Variants in CA4 observed in about 807,000 individuals in gnomAD.
CA4 encodes the protein CA-IV.
CA4 carries 24 observed loss-of-function variants against 34.5 expected under a neutral mutation model. The ratio of observed to expected loss-of-function variants is 0.70; its 90% CI spans 0.50 to 0.98. The LOEUF is 0.98. CA4 is among the 50% of genes least tolerant of loss of function. The pLI is 0.00. For synonymous variants in CA4, 178 were observed against 170.6 expected (o/e 1.04, Z -0.34); for missense variants, 394 against 396.7 (o/e 0.99, Z 0.06).
chr17:60,170,310 C>T lies in CA4; in HGVS notation c.*179-241C>T, dbSNP rs115603491. 1.7e-3 allele frequency among the ~76,000 whole-genome samples: 253 copies of T among 152,326 alleles called. 1 individual carries two copies. Among genetic ancestry groups the T allele is most frequent in the African/African-American group, 4.9e-3 (204 of 41,574 alleles). On this transcript the variant is annotated intron_variant and NMD_transcript_variant, in intron 5 of 5. Transcript: ENST00000586876. ...TCTGGCAGGGGGCCAGTGGGGAGCA[C>T]GAGATTCTCATGGCTGCTGTGGCTG...
At chr17:60,176,972 A>C in the CA4 span, among the ~76,000 whole-genome samples, 1 of 152,196 alleles carries the variant, frequency 6.6e-6, no homozygotes, top group Non-Finnish European at 1.5e-5. Context: ...TAATGGGAGC[A>C]AGGGGGAGCG....
At chr17:60,160,642 T>C (rs1405471450), downstream of CA4, among the ~76,000 whole-genome samples, 1 of 151,246 alleles carries the variant, frequency 6.6e-6, no homozygotes, top group Non-Finnish European at 1.5e-5. Flanking sequence ...CGGGTGCCGG[T>C]AATTCAGCTA....
downstream of CA4, among the ~76,000 whole-genome samples, chr17:60,175,519 T>C (rs1249266399): frequency 6.7e-6 from 1 of 148,968 alleles, no homozygotes; most frequent in Non-Finnish European, 1.5e-5. Context: ...CAGTGAGCCA[T>C]GATTACCTCA....
chr17:60,168,404 A>G (rs1278657494), intron 5 of CA4, among the ~76,000 whole-genome samples: 2 of 9,332 alleles, frequency 2.1e-4, no homozygotes, highest in Non-Finnish European at 3.4e-4. Flanking sequence ...TGGGGGGGGC[A>G]GGTGGGGAAG....
chr17:60,158,044 CT>C lies in CA4; in HGVS notation c.514-15del, dbSNP rs752810850. 1.2e-6 allele frequency: 2 copies of C among 1,613,464 alleles called. No individual in the cohort carries two copies. The highest frequency in any genetic ancestry group is 2.7e-5 in the African/African-American group (2 of 74,932). Reference sequence around the variant, plus strand: ...GCTCCCTGCAGACTTTCTCAAGACCCTTCCCTCCCTTTCCAGGCTGGAACCC... The same window carrying C: ...GCTCCCTGCAGACTTTCTCAAGACCCTCCCTCCCTTTCCAGGCTGGAACCC... On this transcript the variant is annotated splice_polypyrimidine_tract_variant and intron_variant, in intron 5 of 7. Coordinates refer to ENST00000300900, the MANE Select transcript of CA4 (RefSeq NM_000717.5).
Position 60,158,408 on chromosome 17 carries a change from A to C in CA4, c.706A>C (p.Thr236Pro), listed in dbSNP as rs762494391. ...GACCTGCGATGAGAAGGTCGTCTGG[A>C]CTGTGTTCCGGGAGCCCATTCAGCT... ...TPTCDEKVVW[T>P]VFREPIQLHR... is the part of the protein sequence containing the mutation. The change falls in exon 7 of 8, where the codon ACT becomes CCT. Residue 236 changes from threonine to proline, a missense_variant. Coordinates refer to ENST00000300900, the MANE Select transcript of CA4 (RefSeq NM_000717.5). 6.2e-7 allele frequency: 1 copy of C among 1,614,100 alleles called. No homozygotes were observed. The highest frequency in any genetic ancestry group is 8.5e-7 in the Non-Finnish European group (1 of 1,180,016).
rs999772759 is a variant in CA4 at position 60,151,284 on chromosome 17, G to A, written c.58+1192G>A. On this transcript the variant is annotated intron_variant, in intron 1 of 7. Transcript: ENST00000300900. Reference sequence around the variant, plus strand: ...CATCCTCAAAGCGGCGGAGTGAGGGGTGAAGGTGTCCTCTGCACAGAGAGG... The same window carrying A: ...CATCCTCAAAGCGGCGGAGTGAGGGATGAAGGTGTCCTCTGCACAGAGAGG... 2.6e-5 allele frequency among the ~76,000 whole-genome samples: 4 copies of A among 152,146 alleles called. No homozygotes were observed. In the East Asian group the frequency reaches 7.7e-4, roughly 29 times the overall value.
chr17:60,151,900 G>A (rs1180907162), intron 1 of CA4, among the ~76,000 whole-genome samples: 1 of 152,178 alleles, frequency 6.6e-6, no homozygotes, highest in Admixed American at 6.5e-5. Context: ...CCCCTTCAGA[G>A]CCCCAGACCC....
intron 5 of CA4, among the ~76,000 whole-genome samples, chr17:60,169,656 T>C (rs2083895232): frequency 6.6e-6 from 1 of 152,058 alleles, no homozygotes; most frequent in South Asian, 2.1e-4. Context: ...GCTCAGCTGA[T>C]TTTTTTGTAT....
chr17:60,178,374 C>T, the CA4 span, among the ~76,000 whole-genome samples: 1 of 152,232 alleles, frequency 6.6e-6, no homozygotes, highest in Admixed American at 6.5e-5. Context: ...CTTGTTGCAA[C>T]AGGTGCATGT....
rs200329754 is a variant in CA4, at chr17:60,157,618, G to A, written c.414+46G>A. ...GGGACCTTGTCTGGGCTCTGGGCGC[G>A]CACCTGCCTTGGGCAAGGAGGGTAG... On this transcript the variant is annotated intron_variant, in intron 4 of 7. Transcript: ENST00000300900. 41 of 1,613,998 alleles carry A rather than the reference G, an allele frequency of 2.5e-5. No individual in the cohort carries two copies. The Admixed American group carries it at 4.2e-4, about 16-fold the overall frequency.
At chr17:60,152,996 G>T (rs753059890) in intron 1 of CA4, among the ~76,000 whole-genome samples, 1 of 152,206 alleles carries the variant, frequency 6.6e-6, no homozygotes, top group Non-Finnish European at 1.5e-5. Context: ...GGAAGGTCCA[G>T]ATACTCCGAT....
chr17:60,156,557 C>G lies in CA4; in HGVS notation c.113-3C>G, dbSNP rs1418877318. On this transcript the variant is annotated splice_polypyrimidine_tract_variant and splice_region_variant and intron_variant, in intron 2 of 7. Transcript: ENST00000300900. ...TCTCAGCCCACCTTCTCTCCCTGCT[C>G]AGTGCCAGTCAAGTGGGGTGGAAAC... 6.2e-7 allele frequency: 1 copy of G among 1,614,158 alleles called. No homozygotes were observed. Among genetic ancestry groups the G allele is most frequent in the South Asian group, 1.1e-5 (1 of 91,074 alleles).
downstream of CA4, among the ~76,000 whole-genome samples, chr17:60,175,811 T>C (rs1264437431): frequency 1.3e-5 from 2 of 149,716 alleles, no homozygotes; most frequent in Admixed American, 6.6e-5. Context: ...ACATGTTTCA[T>C]TTTATACATT....
rs757025562 is a variant in CA4 at position 60,157,316 on chromosome 17, A to G, written c.269-111A>G. On this transcript the variant is annotated intron_variant, in intron 3 of 7. Transcript: ENST00000300900. ...CCCCTGCAGGCCAGAACCAGAGCTC[A>G]TGAAGGTTGGGAGGCAGGAGACAAT... is the stretch of plus-strand genomic sequence containing the variant. 5.5e-6 allele frequency: 6 copies of G among 1,082,352 alleles called. No individual in the cohort carries two copies. In the Admixed American group the frequency reaches 1.2e-4, roughly 22 times the overall value. 67.0% of individuals were successfully genotyped at this position (1,082,352 alleles called of 1,614,324 possible).
intron 3 of CA4, 151 bp from the exon 4 acceptor site, chr17:60,157,276 T>TGCCCC: frequency 1.3e-6 from 1 of 756,858 alleles, no homozygotes; most frequent in Non-Finnish European, 2.3e-6. Flanking sequence ...TCCCACCCTG[T>TGCCCC]CCCACCCCGC....
At chr17:60,169,630 G>A (rs137896321) in intron 5 of CA4, among the ~76,000 whole-genome samples, 1,749 of 152,088 alleles carry the variant, frequency 0.011, 13 homozygotes, top group Middle Eastern at 0.014. Flanking sequence ...CTGGGACTAC[G>A]GGCATGCGCC....
At chr17:60,178,429 G>A in the CA4 span, among the ~76,000 whole-genome samples, 1 of 152,336 alleles carries the variant, frequency 6.6e-6, no homozygotes, top group African/African-American at 2.4e-5. Flanking sequence ...CCCTCAGCAT[G>A]GGTGGGGCCG....
the CA4 span, chr17:60,178,959 A>G: frequency 3.1e-6 from 1 of 322,284 alleles, no homozygotes; most frequent in Non-Finnish European, 5.7e-6. Context: ...ATATCTGGAC[A>G]AGCACAATTG....
Sources: gnomAD v4.1 joint callset for allele counts (sites outside exome capture counted in the v4.1 genomes callset) on GRCh38, gnomAD v4.1.1 for gene constraint, MANE v1.5 for transcripts, NCBI Gene and HGNC (gene_info 2026-07-23, HGNC 2026-07-21) for gene names.